MTUS2: variants seen among roughly 807,000 people sequenced by gnomAD.
MTUS2 encodes microtubule-associated tumor suppressor candidate 2.
In MTUS2, 40 loss-of-function variants were observed where a neutral mutation model predicts 114.1. The ratio of observed to expected loss-of-function variants is 0.35; its 90% CI spans 0.27 to 0.46. MTUS2 has a LOEUF of 0.46. Ranked by LOEUF, MTUS2 falls within the 20% of genes least tolerant of loss-of-function variation. The pLI, the probability that MTUS2 is intolerant of heterozygous loss-of-function variation, is 1.00. For missense variants in MTUS2, 1,679 were observed against 1,705.4 expected, an observed-to-expected ratio of 0.98 and a Z score of 0.27; for synonymous variants, 688 against 672.0, an observed-to-expected ratio of 1.02 and a Z score of -0.37.
At chr13:29,153,947 C>T (rs76526591) in intron 5 of MTUS2, among the ~76,000 whole-genome samples, 2 of 152,180 alleles carry the variant, frequency 1.3e-5, no homozygotes, top group African/African-American at 4.8e-5. Context: ...TTTTGAGAGT[C>T]GAAAGGGTAT....
chr13:29,010,633 C>T (rs1885798540), intron 2 of MTUS2, among the ~76,000 whole-genome samples: 1 of 151,980 alleles, frequency 6.6e-6, no homozygotes, highest in South Asian at 2.1e-4. Context: ...AGTTCTGTCC[C>T]CCTGCTGTGG....
At chr13:29,485,646 C>T (rs1327709592) in intron 10 of MTUS2, among the ~76,000 whole-genome samples, 2 of 152,118 alleles carry the variant, frequency 1.3e-5, no homozygotes, top group African/African-American at 2.4e-5. Flanking sequence ...ATACAATGGG[C>T]GTGGTATTCC....
chr13:28,857,037 G>A (rs2138051764), intron 2 of MTUS2, among the ~76,000 whole-genome samples: 1 of 152,334 alleles, frequency 6.6e-6, no homozygotes, highest in East Asian at 1.9e-4. Context: ...GAAGTGAGGA[G>A]CTGGTGTTTC....
intron 5 of MTUS2, among the ~76,000 whole-genome samples, chr13:29,220,780 C>T (rs1895876192): frequency 6.6e-6 from 1 of 151,980 alleles, no homozygotes; most frequent in African/African-American, 2.4e-5. Flanking sequence ...GACACAGAAA[C>T]AAAGAATGAA....
At chr13:29,115,677 TC>T (rs1169285576) in intron 5 of MTUS2, among the ~76,000 whole-genome samples, 2 of 152,256 alleles carry the variant, frequency 1.3e-5, no homozygotes, top group Non-Finnish European at 2.9e-5. Context: ...TTTATTGGTT[TC>T]CTTTAACTTC....
chr13:29,157,290 G>A (rs760526339), intron 5 of MTUS2, among the ~76,000 whole-genome samples: 5 of 152,176 alleles, frequency 3.3e-5, no homozygotes, highest in Non-Finnish European at 5.9e-5. Context: ...GCAAAATGCC[G>A]TCAAAGTAGT....
Position 29,025,562 on chromosome 13 carries a change from G to C in MTUS2, c.864G>C (p.Leu288Phe). The C allele has an allele frequency of 6.2e-7, 1 of 1,613,922 alleles. No homozygotes were observed. Among genetic ancestry groups the C allele is most frequent in the Non-Finnish European group, 8.5e-7 (1 of 1,179,852 alleles). The change falls in exon 3 of 16, where the codon TTG (leucine) becomes TTC (phenylalanine). Residue 288 changes from leucine (L) to phenylalanine (F), a missense_variant. This residue lies in a region of MTUS2 where 843 missense variants were observed against 770.8 expected (regional missense o/e 1.09). Coordinates refer to ENST00000612955, the MANE Select transcript of MTUS2 (RefSeq NM_001033602.4). ...CAGAGCCTGCTCTGAATTTGACTTT[G>C]GCATCGAAGGAAATCCCAAGTAAAC... The part of the protein sequence containing the change: ...AHPEPALNLT[L>F]ASKEIPSKLE...
At chr13:29,369,819 A>G (rs565885433) in intron 8 of MTUS2, among the ~76,000 whole-genome samples, 35 of 152,316 alleles carry the variant, frequency 2.3e-4, no homozygotes, top group African/African-American at 7.7e-4. Flanking sequence ...AATAGATAGG[A>G]GGTGATATTA....
intron 2 of MTUS2, among the ~76,000 whole-genome samples, chr13:28,996,760 T>C (rs1226756153): frequency 6.6e-5 from 10 of 152,228 alleles, no homozygotes; most frequent in Admixed American, 1.3e-4. Flanking sequence ...TTTGTCATTT[T>C]TTATTGCGTC....
chr13:29,386,565 A>G (rs1199700632), intron 8 of MTUS2, among the ~76,000 whole-genome samples: 1 of 152,194 alleles, frequency 6.6e-6, no homozygotes, highest in African/African-American at 2.4e-5. Context: ...GACATGCCTC[A>G]AGGAGGAGGC....
At chr13:29,448,586 C>A (rs1878452103) in intron 9 of MTUS2, among the ~76,000 whole-genome samples, 1 of 151,696 alleles carries the variant, frequency 6.6e-6, no homozygotes, top group Admixed American at 6.6e-5. Flanking sequence ...GTGCCTGTAC[C>A]CCTTTCAGAG....
intron 9 of MTUS2, among the ~76,000 whole-genome samples, chr13:29,454,144 A>G (rs1231793564): frequency 6.6e-6 from 1 of 152,224 alleles, no homozygotes; most frequent in Non-Finnish European, 1.5e-5. Flanking sequence ...CCAATTCTGC[A>G]TTGCAACTAA....
chr13:29,488,091 C>A (rs537127834), intron 11 of MTUS2, 86 bp downstream of exon 11: 2 of 1,007,188 alleles, frequency 2.0e-6, no homozygotes, highest in Non-Finnish European at 3.1e-6. Context: ...GCCCCCCTTC[C>A]TCTCTTGTCC....
intron 6 of MTUS2, among the ~76,000 whole-genome samples, chr13:29,293,741 T>C (rs1898816700): frequency 2.6e-5 from 4 of 152,266 alleles, no homozygotes; most frequent in East Asian, 1.9e-4. Flanking sequence ...TAATAAATGC[T>C]TATGTAGTTA....
chr13:28,879,821 A>G (rs1324382078), intron 2 of MTUS2, among the ~76,000 whole-genome samples: 1 of 151,202 alleles, frequency 6.6e-6, no homozygotes, highest in African/African-American at 2.5e-5. Flanking sequence ...TTAGAGATGT[A>G]TCTAAGTGTG....
chr13:29,428,598 T>TC lies in MTUS2; in HGVS notation c.3118-11382dup. On this transcript the variant is annotated intron_variant, in intron 8 of 15. Coordinates refer to ENST00000612955, the MANE Select transcript of MTUS2 (RefSeq NM_001033602.4). ...CCTGCCTGTCCCCTCCCTTCCTGGC[T>TC]CCCGCCCGCCCTCCCTCCCGCAGCA... 2 of 155,460 alleles carry TC rather than the reference T, an allele frequency of 1.3e-5. 1 individual carries two copies. Among genetic ancestry groups the TC allele is most frequent in the South Asian group, 3.0e-4 (2 of 6,574 alleles). 9.6% of individuals were successfully genotyped at this position (155,460 alleles called of 1,614,324 possible).
At chr13:29,184,410 T>C (rs1894135769) in intron 5 of MTUS2, among the ~76,000 whole-genome samples, 1 of 152,192 alleles carries the variant, frequency 6.6e-6, no homozygotes, top group African/African-American at 2.4e-5. Flanking sequence ...AAGACCATGC[T>C]TCTACCTAGG....
chr13:29,163,685 A>G (rs1893193746), intron 5 of MTUS2, among the ~76,000 whole-genome samples: 1 of 152,204 alleles, frequency 6.6e-6, no homozygotes, highest in South Asian at 2.1e-4. Flanking sequence ...CTAGCAGATC[A>G]GGGCTATTCT....
At chr13:28,916,429 A>C (rs572418865) in intron 2 of MTUS2, among the ~76,000 whole-genome samples, 13 of 151,920 alleles carry the variant, frequency 8.6e-5, no homozygotes, top group Non-Finnish European at 1.6e-4. Flanking sequence ...TAATCCATGA[A>C]CATGGAATAT....
Sources: gnomAD v4.1 joint callset for allele counts (sites outside exome capture counted in the v4.1 genomes callset) on GRCh38, gnomAD v4.1.1 for gene constraint, gnomAD v4.1.1 regional missense constraint, MANE v1.5 for transcripts, NCBI Gene and HGNC (gene_info 2026-07-23, HGNC 2026-07-21) for gene names.